Variants in LRFN5 observed in about 807,000 individuals in gnomAD.
The protein encoded by LRFN5 is leucine-rich repeat and fibronectin type-III domain-containing protein 5.
In LRFN5, 24 loss-of-function variants were observed where a neutral mutation model predicts 45.6. The observed-to-expected ratio is 0.53, with a 90% CI of 0.38 to 0.74. LRFN5 has a LOEUF of 0.74. LRFN5 is among the 30% of genes least tolerant of loss of function. LRFN5 has a pLI of 0.00. For synonymous variants in LRFN5, 340 were observed against 313.8 expected, an observed-to-expected ratio of 1.08 and a Z score of -0.88; for missense variants, 776 against 861.5, an observed-to-expected ratio of 0.90 and a Z score of 1.24.
chr14:41,645,084 T>A lies in LRFN5; in HGVS notation c.-197+36522T>A, dbSNP rs140926432. Among the ~76,000 whole-genome samples, 3 of 152,350 alleles carry A rather than the reference T, an allele frequency of 2.0e-5. No homozygotes were observed. In the East Asian group the frequency reaches 5.8e-4, roughly 29 times the overall value. ...CTAGCTAAATGAGCTTAGCGTCTTT[T>A]ATGCTTCAATTCCTTCAACTGTAAA... On this transcript the variant is annotated intron_variant, in intron 1 of 5. Coordinates refer to ENST00000298119, the MANE Select transcript of LRFN5 (RefSeq NM_152447.5).
Position 41,871,389 on chromosome 14 carries a change from A to G in LRFN5, c.-20-15217A>G, listed in dbSNP as rs1890014298. Among the ~76,000 whole-genome samples the G allele has an allele frequency of 2.0e-5, 3 of 152,140 alleles. No individual in the cohort carries two copies. The South Asian group carries it at 6.2e-4, about 32-fold the overall frequency. On this transcript the variant is annotated intron_variant, in intron 2 of 5. Coordinates refer to ENST00000298119, the MANE Select transcript of LRFN5 (RefSeq NM_152447.5). ...GATTACCTGAGGTCAGGAGTTCAAG[A>G]CCAGACTGGTCAACATGGCGAAACC...
In LRFN5 at chr14:41,757,551, C is replaced by T. The variant is rs193039545; in HGVS notation, c.-196-9303C>T. ...GAGGCTCCGTGGGCGTAGGACCCTCCGAGCCAGGTGTGGGATATAATCTTC... is the reference window on the plus strand; with the variant it reads ...GAGGCTCCGTGGGCGTAGGACCCTCTGAGCCAGGTGTGGGATATAATCTTC... On this transcript the variant is annotated intron_variant, in intron 1 of 5. Coordinates refer to ENST00000298119, the MANE Select transcript of LRFN5 (RefSeq NM_152447.5). Among the ~76,000 whole-genome samples the T allele has an allele frequency of 4.8e-3, 737 of 152,284 alleles. 3 individuals are homozygous for T. The highest frequency in any genetic ancestry group is 0.017 in the African/African-American group (705 of 41,564).
chr14:41,635,781 A>C (rs1291742789), intron 1 of LRFN5, among the ~76,000 whole-genome samples: 1 of 152,144 alleles, frequency 6.6e-6, no homozygotes, highest in Non-Finnish European at 1.5e-5. Flanking sequence ...TCAGTATAGG[A>C]CATAAATAGG....
intron 2 of LRFN5, among the ~76,000 whole-genome samples, chr14:41,782,232 C>CT (rs900540335): frequency 2.6e-5 from 4 of 151,070 alleles, no homozygotes; most frequent in African/African-American, 9.7e-5. Context: ...TTTTTAAATT[C>CT]TTTTTTTCCT....
intron 2 of LRFN5, among the ~76,000 whole-genome samples, chr14:41,790,018 C>A (rs1320974198): frequency 6.6e-6 from 1 of 151,816 alleles, no homozygotes; most frequent in African/African-American, 2.4e-5. Flanking sequence ...TAACTTAAAT[C>A]ATTTATTCCT....
chr14:41,897,057 A>T (rs1448431072), intron 4 of LRFN5, among the ~76,000 whole-genome samples: 2 of 151,474 alleles, frequency 1.3e-5, no homozygotes, highest in Non-Finnish European at 2.9e-5. Context: ...GTGCCACTGA[A>T]CTCCAGCCTG....
chr14:41,692,158 T>G (rs544672574), intron 1 of LRFN5, among the ~76,000 whole-genome samples: 5 of 152,122 alleles, frequency 3.3e-5, no homozygotes, highest in African/African-American at 1.2e-4. Context: ...TGGTAATCAT[T>G]TTTCAAAGTA....
chr14:41,750,666 A>G (rs1472673460), intron 1 of LRFN5, among the ~76,000 whole-genome samples: 2 of 152,140 alleles, frequency 1.3e-5, no homozygotes, highest in African/African-American at 4.8e-5. Context: ...ATACTACCTA[A>G]GACTGGGTAA....
intron 2 of LRFN5, among the ~76,000 whole-genome samples, chr14:41,802,900 A>T (rs1331960528): frequency 2.0e-5 from 3 of 152,160 alleles, no homozygotes; most frequent in African/African-American, 7.2e-5. Flanking sequence ...GGAATTGTAT[A>T]TTACTGAAGA....
At chr14:41,816,132 A>G (rs1474551538) in intron 2 of LRFN5, among the ~76,000 whole-genome samples, 3 of 150,314 alleles carry the variant, frequency 2.0e-5, no homozygotes, top group Non-Finnish European at 4.4e-5. Flanking sequence ...CGTCTCCCCC[A>G]TGTTCCTATT....
intron 1 of LRFN5, among the ~76,000 whole-genome samples, chr14:41,749,059 T>C (rs1885028736): frequency 6.6e-6 from 1 of 152,106 alleles, no homozygotes; most frequent in African/African-American, 2.4e-5. Context: ...ATATGTTTTA[T>C]AATGAACTCA....
intron 2 of LRFN5, among the ~76,000 whole-genome samples, chr14:41,781,496 A>G (rs1354262389): frequency 7.1e-6 from 1 of 141,500 alleles, no homozygotes; most frequent in Non-Finnish European, 1.5e-5. Flanking sequence ...ATTAAGAAGG[A>G]AGGAAGGGAG....
At chr14:41,852,869 A>ATACCTTG (rs1889320063) in intron 2 of LRFN5, among the ~76,000 whole-genome samples, 1 of 151,926 alleles carries the variant, frequency 6.6e-6, no homozygotes, top group South Asian at 2.1e-4. Flanking sequence ...GCCTGATCTT[A>ATACCTTG]TACCTTGTCA....
At position 41,809,026 on chromosome 14, in the gene LRFN5, C is replaced by T. The variant is rs546704849; in HGVS notation, c.-21+41997C>T. Among the ~76,000 whole-genome samples the T allele has an allele frequency of 2.6e-5, 4 of 152,194 alleles. No homozygotes were observed. In the South Asian group the frequency reaches 8.3e-4, roughly 32 times the overall value. ...TAGCAGAAATATGCCTGCTGTTGAA[C>T]TTTAGTTATGTGAAGCAGGAGGACA... On this transcript the variant is annotated intron_variant, in intron 2 of 5. Coordinates refer to ENST00000298119, the MANE Select transcript of LRFN5 (RefSeq NM_152447.5).
intron 5 of LRFN5, among the ~76,000 whole-genome samples, chr14:41,903,758 A>C (rs999214535): frequency 2.6e-5 from 4 of 152,078 alleles, no homozygotes; most frequent in Admixed American, 2.0e-4. Context: ...TTTCTAGCAG[A>C]ATTTTTAAAA....
intron 1 of LRFN5, among the ~76,000 whole-genome samples, chr14:41,706,095 A>T (rs7145298): frequency 0.8 from 121,100 of 151,890 alleles, 48,987 homozygotes; most frequent in East Asian, 0.97. Flanking sequence ...AAAGTTCCGG[A>T]ACTTTTTTTT....
At chr14:41,823,045 G>C (rs181199166) in intron 2 of LRFN5, among the ~76,000 whole-genome samples, 2 of 151,522 alleles carry the variant, frequency 1.3e-5, no homozygotes. Context: ...AGTTATGCGG[G>C]CTTCTTGTAA....
chr14:41,904,187 T>A lies in LRFN5; in HGVS notation c.*12T>A. The A allele has an allele frequency of 1.9e-6, 3 of 1,609,346 alleles. No homozygotes were observed. Among genetic ancestry groups the A allele is most frequent in the Middle Eastern group, 1.7e-4 (1 of 6,046 alleles). On this transcript the variant is annotated 3_prime_UTR_variant, in exon 6 of 6. Transcript: ENST00000298119. ...TGGAGTTAATCTGAAGAGCACCACT[T>A]CTCCTCTCTCTCCTGAAAAAATTTG... is the stretch of plus-strand genomic sequence containing the variant.
At chr14:41,618,659 A>G (rs1176445127) in intron 1 of LRFN5, among the ~76,000 whole-genome samples, 1 of 152,162 alleles carries the variant, frequency 6.6e-6, no homozygotes, top group Non-Finnish European at 1.5e-5. Context: ...AACAAATAAA[A>G]TGGTTGTTAC....
Sources: gnomAD v4.1 joint callset for allele counts (sites outside exome capture counted in the v4.1 genomes callset) on GRCh38, gnomAD v4.1.1 for gene constraint, MANE v1.5 for transcripts, NCBI Gene and HGNC (gene_info 2026-07-23, HGNC 2026-07-21) for gene names.